Variants in CHRM3 observed in about 807,000 individuals in gnomAD.
The protein encoded by CHRM3 is muscarinic acetylcholine receptor M3.
In CHRM3, 11 loss-of-function variants were observed where a neutral mutation model predicts 41.8. The observed-to-expected ratio is 0.26, with a 90% CI of 0.17 to 0.44. The LOEUF is 0.44. CHRM3 is among the 20% of genes least tolerant of loss of function. The probability of loss-of-function intolerance (pLI) is 1.00; values close to 1 mark genes in which losing one functional copy is unlikely to be tolerated. For missense variants in CHRM3, 571 were observed against 745.4 expected, an observed-to-expected ratio of 0.77 and a Z score of 2.72; for synonymous variants, 297 against 301.4, an observed-to-expected ratio of 0.99 and a Z score of 0.15.
chr1:239,622,636 G>A (rs1668512203), intron 3 of CHRM3, among the ~76,000 whole-genome samples: 1 of 152,180 alleles, frequency 6.6e-6, no homozygotes. Flanking sequence ...CTGATTTGCT[G>A]CTATCTCATG....
At chr1:239,781,256 T>G (rs1212003526) in intron 5 of CHRM3, among the ~76,000 whole-genome samples, 1 of 152,198 alleles carries the variant, frequency 6.6e-6, no homozygotes, top group Non-Finnish European at 1.5e-5. Flanking sequence ...ATCTCTCCAT[T>G]TATTTAGTTC....
chr1:239,403,976 GGAGA>G (rs531556599), intron 1 of CHRM3, among the ~76,000 whole-genome samples: 3,599 of 46,358 alleles, frequency 0.078, 185 homozygotes, highest in Middle Eastern at 0.23. Flanking sequence ...AGAGGGAGGG[GGAGA>G]GAGAGAGAGA....
rs543084667 is a variant in CHRM3 at position 239,426,045 on chromosome 1, T to A, written c.-521+38818T>A. 5.9e-5 allele frequency among the ~76,000 whole-genome samples: 9 copies of A among 151,840 alleles called. No homozygotes were observed. In the South Asian group the frequency reaches 1.9e-3, roughly 32 times the overall value. On this transcript the variant is annotated intron_variant, in intron 1 of 6. Transcript: ENST00000676153. The stretch of plus-strand genomic sequence containing the variant: ...GGGTACATGTGCACAACGTGCAGGT[T>A]AGTTACATATGTATACACGTGCCAT...
chr1:239,423,982 G>T (rs952534201), intron 1 of CHRM3, among the ~76,000 whole-genome samples: 17 of 150,284 alleles, frequency 1.1e-4, no homozygotes, highest in African/African-American at 3.9e-4. Flanking sequence ...GTGAACCCAG[G>T]AGGTGGAGCT....
Position 239,442,845 on chromosome 1 carries a change from T to C in CHRM3, c.-520-49864T>C, listed in dbSNP as rs149838981. On this transcript the variant is annotated intron_variant, in intron 1 of 6. Transcript: ENST00000676153. ...AGCGTCTTTTCTGGTGAATTCTCCG[T>C]GTGGAGTGAATTTCTCTGTCTGGCA... is the stretch of plus-strand genomic sequence containing the variant. Among the ~76,000 whole-genome samples, 689 of 152,298 alleles carry C rather than the reference T, an allele frequency of 4.5e-3. 5 individuals are homozygous for C. Among genetic ancestry groups the C allele is most frequent in the African/African-American group, 0.016 (658 of 41,568 alleles).
intron 3 of CHRM3, among the ~76,000 whole-genome samples, chr1:239,585,659 A>C (rs1418835354): frequency 1.3e-5 from 2 of 152,044 alleles, no homozygotes; most frequent in East Asian, 3.9e-4. Context: ...GTATACTACT[A>C]CTCTCCTTCT....
chr1:239,768,312 A>T (rs1047794241), intron 5 of CHRM3, among the ~76,000 whole-genome samples: 1 of 152,208 alleles, frequency 6.6e-6, no homozygotes, highest in African/African-American at 2.4e-5. Context: ...TAAAGATCAG[A>T]TTTTTGGGGG....
Position 239,432,631 on chromosome 1 carries a change from A to G in CHRM3, c.-521+45404A>G, listed in dbSNP as rs144166760. Among the ~76,000 whole-genome samples, 18 of 152,340 alleles carry G rather than the reference A, an allele frequency of 1.2e-4. 1 individual carries two copies. The highest frequency in any genetic ancestry group is 3.8e-4 in the African/African-American group (16 of 41,570). On this transcript the variant is annotated intron_variant, in intron 1 of 6. Transcript: ENST00000676153. ...CTTTGAAAACTTAGCTTTGACATTC[A>G]TTATATGAAAATGTGATGTGATAAT...
At chr1:239,441,519 T>C (rs1442914112) in intron 1 of CHRM3, among the ~76,000 whole-genome samples, 2 of 152,210 alleles carry the variant, frequency 1.3e-5, no homozygotes, top group African/African-American at 4.8e-5. Flanking sequence ...GTGTAGGAAT[T>C]AACAGATCTA....
At chr1:239,624,771 G>T (rs1668851907) in intron 3 of CHRM3, among the ~76,000 whole-genome samples, 1 of 47,672 alleles carries the variant, frequency 2.1e-5, no homozygotes, top group African/African-American at 9.1e-5. Context: ...TTTCCCCATT[G>T]CTTGTTTTTC....
At chr1:239,624,637 A>G (rs1486864209) in intron 3 of CHRM3, among the ~76,000 whole-genome samples, 2 of 150,434 alleles carry the variant, frequency 1.3e-5, no homozygotes, top group Non-Finnish European at 2.9e-5. Flanking sequence ...TTTTAGGTCT[A>G]ACGTTTAAAT....
intron 6 of CHRM3, among the ~76,000 whole-genome samples, chr1:239,862,232 A>G (rs779660237): frequency 2.0e-4 from 30 of 152,232 alleles, no homozygotes; most frequent in Non-Finnish European, 3.8e-4. Flanking sequence ...ACAGACTTGT[A>G]GAAAACACCA....
intron 5 of CHRM3, among the ~76,000 whole-genome samples, chr1:239,789,615 G>A (rs1034619559): frequency 6.6e-6 from 1 of 152,180 alleles, no homozygotes; most frequent in African/African-American, 2.4e-5. Flanking sequence ...AAGAGAGAGA[G>A]TGGGGAGGTG....
At chr1:239,396,488 C>T (rs576080240) in intron 1 of CHRM3, among the ~76,000 whole-genome samples, 1 of 152,152 alleles carries the variant, frequency 6.6e-6, no homozygotes, top group South Asian at 2.1e-4. Flanking sequence ...GTGCACCTGC[C>T]TGTAGTCTCA....
At chr1:239,741,779 A>G (rs1019881) in intron 5 of CHRM3, among the ~76,000 whole-genome samples, 65,170 of 152,040 alleles carry the variant, frequency 0.43, 14,310 homozygotes, top group Admixed American at 0.52. Context: ...TGTAAACATA[A>G]TCAGAAGCTA....
intron 2 of CHRM3, among the ~76,000 whole-genome samples, chr1:239,536,451 T>C (rs1182905689): frequency 6.6e-6 from 1 of 152,204 alleles, no homozygotes; most frequent in East Asian, 1.9e-4. Context: ...AAAGGAAGTA[T>C]TATCAATTCC....
chr1:239,772,162 T>C (rs1466835231), intron 5 of CHRM3, among the ~76,000 whole-genome samples: 1 of 152,168 alleles, frequency 6.6e-6, no homozygotes, highest in Non-Finnish European at 1.5e-5. Flanking sequence ...TTTCTTTTTT[T>C]TTCTTTGAGA....
intron 5 of CHRM3, among the ~76,000 whole-genome samples, chr1:239,813,916 C>CAAAAAAAAAAAAAAAAAA (rs67147618): frequency 1.3e-4 from 13 of 103,214 alleles, no homozygotes; most frequent in African/African-American, 6.6e-4. Context: ...GACTCCGTCT[C>CAAAAAAAAAAAAAAAAAA]AAAAAAAAAA....
At chr1:239,765,885 T>C (rs868443414) in intron 5 of CHRM3, among the ~76,000 whole-genome samples, 23 of 151,652 alleles carry the variant, frequency 1.5e-4, no homozygotes, top group Middle Eastern at 3.4e-3. Context: ...GGTGTAATCT[T>C]GGCTCACTGC....
Sources: gnomAD v4.1 joint callset for allele counts (sites outside exome capture counted in the v4.1 genomes callset) on GRCh38, gnomAD v4.1.1 for gene constraint, MANE v1.5 for transcripts, NCBI Gene and HGNC (gene_info 2026-07-23, HGNC 2026-07-21) for gene names.